Variants in C1orf105 observed in about 807,000 individuals in gnomAD.
C1orf105 encodes chromosome 1 open reading frame 105.
Under a neutral mutation model 20.8 loss-of-function variants are expected in C1orf105, and 17 were observed. The observed-to-expected ratio is 0.82, with a 90% CI of 0.56 to 1.23. The LOEUF is 1.23. Among genes scored for constraint, C1orf105 ranks in the 50% most tolerant of loss-of-function variants. The pLI, the probability that C1orf105 is intolerant of heterozygous loss-of-function variation, is 0.00. For synonymous variants in C1orf105, 72 were observed against 72.1 expected, an observed-to-expected ratio of 1.00 and a Z score of 0.01; for missense variants, 219 against 213.5, an observed-to-expected ratio of 1.03 and a Z score of -0.16.
At chr1:172,429,677 A>G (rs551146147) in intron 1 of C1orf105, among the ~76,000 whole-genome samples, 2 of 152,290 alleles carry the variant, frequency 1.3e-5, no homozygotes, top group Admixed American at 6.5e-5. Context: ...TAAATCCACA[A>G]TGTAACCCAG....
In C1orf105 at chr1:172,465,364, G is replaced by C; in HGVS notation, c.406+1G>C. 6.2e-7 allele frequency: 1 copy of C among 1,607,232 alleles called. No individual in the cohort carries two copies. The highest frequency in any genetic ancestry group is 8.5e-7 in the Non-Finnish European group (1 of 1,173,906). Reference sequence around the variant, plus strand: ...CCTTTCCATGATGACATCCCAACAGGTTTGCTTTCTTTTAGAGTACTTATA... The same window carrying C: ...CCTTTCCATGATGACATCCCAACAGCTTTGCTTTCTTTTAGAGTACTTATA... On this transcript the variant is annotated splice_donor_variant, in intron 6 of 6. Transcript: ENST00000367727. LOFTEE classifies it high-confidence loss of function.
At chr1:172,425,447 G>A (rs928744697) in intron 1 of C1orf105, among the ~76,000 whole-genome samples, 2 of 151,952 alleles carry the variant, frequency 1.3e-5, no homozygotes, top group Non-Finnish European at 2.9e-5. Context: ...TGTGAGTTAC[G>A]AAAGGAAAAA....
At chr1:172,443,868 T>G (rs943376879) in intron 1 of C1orf105, 20 of 700,442 alleles carry the variant, frequency 2.9e-5, no homozygotes, top group African/African-American at 1.4e-4. Flanking sequence ...GGCACCCCAT[T>G]TGGCTTTTTG....
At chr1:172,431,749 TAC>T in intron 1 of C1orf105, among the ~76,000 whole-genome samples, 1 of 152,124 alleles carries the variant, frequency 6.6e-6, no homozygotes, top group Middle Eastern at 3.2e-3. Flanking sequence ...GGACAGTGAG[TAC>T]AGTCGATGGA....
intron 1 of C1orf105, chr1:172,441,357 AC>A (rs1647281586): frequency 3.6e-4 from 2 of 5,540 alleles, no homozygotes; most frequent in African/African-American, 6.8e-4. Context: ...GACTTTACAC[AC>A]ACACACACAC....
chr1:172,463,453 A>C (rs1027481036), intron 5 of C1orf105, among the ~76,000 whole-genome samples: 1 of 152,206 alleles, frequency 6.6e-6, no homozygotes, highest in Non-Finnish European at 1.5e-5. Context: ...ACATGCACCC[A>C]GTTCCTGGCC....
intron 1 of C1orf105, among the ~76,000 whole-genome samples, chr1:172,424,125 A>T (rs1017175421): frequency 2.6e-5 from 4 of 152,230 alleles, no homozygotes; most frequent in African/African-American, 9.6e-5. Flanking sequence ...ATCAAGTTTT[A>T]TCATACATTA....
chr1:172,456,961 CA>C (rs974208167), intron 4 of C1orf105, among the ~76,000 whole-genome samples: 2 of 152,132 alleles, frequency 1.3e-5, no homozygotes, highest in Non-Finnish European at 2.9e-5. Context: ...TCTAGGTAGT[CA>C]GGGGCGGTGT....
At chr1:172,450,075 G>A (rs950461103) in intron 3 of C1orf105, among the ~76,000 whole-genome samples, 1 of 152,198 alleles carries the variant, frequency 6.6e-6, no homozygotes, top group Non-Finnish European at 1.5e-5. Context: ...TTTTGTGGCT[G>A]CAATATTCAT....
At chr1:172,452,531 A>C (rs1014399615) in intron 3 of C1orf105, among the ~76,000 whole-genome samples, 2 of 152,228 alleles carry the variant, frequency 1.3e-5, no homozygotes, top group Non-Finnish European at 2.9e-5. Context: ...AAAGGGAGCG[A>C]AAGAGAGAAA....
At chr1:172,421,581 C>T (rs1341518105) in intron 1 of C1orf105, among the ~76,000 whole-genome samples, 2 of 152,094 alleles carry the variant, frequency 1.3e-5, no homozygotes, top group East Asian at 3.9e-4. Context: ...TTGGGGAGGA[C>T]GCAGAGCAAG....
intron 1 of C1orf105, among the ~76,000 whole-genome samples, chr1:172,444,769 TAAAG>T (rs1312945979): frequency 6.6e-6 from 1 of 151,990 alleles, no homozygotes; most frequent in African/African-American, 2.4e-5. Context: ...AAGGAAGTAA[TAAAG>T]AAACAAAGGG....
At chr1:172,460,792 A>T (rs1460650496) in intron 4 of C1orf105, among the ~76,000 whole-genome samples, 1 of 152,204 alleles carries the variant, frequency 6.6e-6, no homozygotes, top group African/African-American at 2.4e-5. Context: ...GTAAATATCA[A>T]GGAAGTCTTC....
intron 1 of C1orf105, among the ~76,000 whole-genome samples, chr1:172,432,462 C>A (rs1352542885): frequency 6.6e-6 from 1 of 152,204 alleles, no homozygotes; most frequent in Non-Finnish European, 1.5e-5. Flanking sequence ...CTGGTGATAA[C>A]CAGGCAAACA....
chr1:172,435,859 C>T (rs1249373675), intron 1 of C1orf105, among the ~76,000 whole-genome samples: 1 of 152,198 alleles, frequency 6.6e-6, no homozygotes, highest in African/African-American at 2.4e-5. Flanking sequence ...ATCATCTCAG[C>T]CCAAAATCTC....
chr1:172,438,193 A>G (rs960409112), intron 1 of C1orf105, among the ~76,000 whole-genome samples: 2 of 152,224 alleles, frequency 1.3e-5, no homozygotes, highest in African/African-American at 4.8e-5. Context: ...CTGCTAACAC[A>G]GCATCCATTC....
intron 2 of C1orf105, among the ~76,000 whole-genome samples, chr1:172,446,334 TTTAA>T (rs1248638319): frequency 1.3e-5 from 2 of 152,278 alleles, no homozygotes; most frequent in East Asian, 3.9e-4. Flanking sequence ...TCTAGCATAT[TTTAA>T]TTGAGGGTGG....
At chr1:172,432,526 G>A (rs536647031) in intron 1 of C1orf105, among the ~76,000 whole-genome samples, 7 of 152,306 alleles carry the variant, frequency 4.6e-5, no homozygotes, top group African/African-American at 1.4e-4. Context: ...TGAGGGACCC[G>A]ACTGTTAGAA....
chr1:172,444,788 A>G (rs1486103678), intron 1 of C1orf105, among the ~76,000 whole-genome samples: 1 of 152,264 alleles, frequency 6.6e-6, no homozygotes, highest in Non-Finnish European at 1.5e-5. Flanking sequence ...AAAGGGATGT[A>G]GTAAAACACA....
Sources: allele counts gnomAD v4.1 joint callset (sites outside exome capture counted in the v4.1 genomes callset), GRCh38; gene constraint gnomAD v4.1.1; transcripts MANE v1.5; gene names NCBI Gene and HGNC (gene_info 2026-07-23, HGNC 2026-07-21).